The following NCOR1 variants were observed in gnomAD, a reference collection of about 807,000 sequenced individuals.
NCOR1 encodes the protein protein phosphatase 1, regulatory subunit 109.
In NCOR1, 63 loss-of-function variants were observed where a neutral mutation model predicts 288.1. The observed-to-expected ratio is 0.22, with a 90% CI of 0.18 to 0.27. NCOR1 has a LOEUF of 0.27. Among genes scored for constraint, NCOR1 ranks in the 10% least tolerant of loss-of-function variants. The pLI, the probability that NCOR1 is intolerant of heterozygous loss-of-function variation, is 1.00. For synonymous variants in NCOR1, 1,007 were observed against 1,065.9 expected (o/e 0.94, Z 1.08); for missense variants, 2,397 against 3,019.2 (o/e 0.79, Z 4.83).
intron 16 of NCOR1, among the ~76,000 whole-genome samples, chr17:16,119,958 T>G (rs2072638306): frequency 6.6e-6 from 1 of 152,158 alleles, no homozygotes; most frequent in Non-Finnish European, 1.5e-5. Context: ...GATCATGAAC[T>G]GAATATGTTC....
At chr17:16,110,401 TA>T (rs923255765) in intron 18 of NCOR1, among the ~76,000 whole-genome samples, 2 of 152,028 alleles carry the variant, frequency 1.3e-5, no homozygotes, top group African/African-American at 2.4e-5. Context: ...AATTCCTTTT[TA>T]AAAAAAATTG....
intron 45 of NCOR1, among the ~76,000 whole-genome samples, chr17:16,032,842 T>C (rs976888280): frequency 6.6e-6 from 1 of 152,114 alleles, no homozygotes; most frequent in Non-Finnish European, 1.5e-5. Context: ...TCAAGAGAAA[T>C]GCAAGAGTAT....
chr17:16,067,866 A>G, intron 32 of NCOR1, 28 bp downstream of exon 32: 1 of 1,584,216 alleles, frequency 6.3e-7, no homozygotes, highest in East Asian at 2.2e-5. Flanking sequence ...TTTATTTGCC[A>G]TAAATTATCA....
intron 20 of NCOR1, among the ~76,000 whole-genome samples, chr17:16,100,986 T>C (rs904226228): frequency 4.6e-5 from 7 of 152,214 alleles, no homozygotes; most frequent in African/African-American, 1.7e-4. Context: ...ACTTTATTAG[T>C]TGAAATTCCC....
Position 16,101,262 on chromosome 17 carries a change from G to A in NCOR1, c.2678C>T (p.Pro893Leu). The A allele has an allele frequency of 1.3e-6, 2 of 1,594,278 alleles. No individual in the cohort carries two copies. Among genetic ancestry groups the A allele is most frequent in the Non-Finnish European group, 1.7e-6 (2 of 1,170,428 alleles). The part of the protein sequence containing the change: ...CSADEDVDGE[P>L]ERQRMFPMDS... ...GAACGAGCCTCACCTCTGCCTCTCTGGCTCTCCATCCACATCCTCATCAGC... is the reference window on the plus strand; with the variant it reads ...GAACGAGCCTCACCTCTGCCTCTCTAGCTCTCCATCCACATCCTCATCAGC... The change falls in exon 20 of 46, where the codon CCA (proline) becomes CTA (leucine). Residue 893 changes from proline (P) to leucine (L), a missense_variant. Pro to Leu is a moderately conservative substitution (Grantham distance 98). Coordinates refer to ENST00000268712, the MANE Select transcript of NCOR1 (RefSeq NM_006311.4).
chr17:16,214,795 CA>C (rs2092411948), intron 1 of NCOR1, among the ~76,000 whole-genome samples: 1 of 152,206 alleles, frequency 6.6e-6, no homozygotes, highest in African/African-American at 2.4e-5. Context: ...AAGAAAACAC[CA>C]ACAATAAACG....
chr17:16,032,230 C>CTAAA lies in NCOR1; in HGVS notation c.*62_*65dup. The CTAAA allele has an allele frequency of 6.8e-7, 1 of 1,460,444 alleles. No individual in the cohort carries two copies. The highest frequency in any genetic ancestry group is 9.0e-7 in the Non-Finnish European group (1 of 1,106,802). 90.5% of individuals were successfully genotyped at this position (1,460,444 alleles called of 1,614,324 possible). On this transcript the variant is annotated 3_prime_UTR_variant, in exon 46 of 46. Transcript: ENST00000268712. ...AGGAGGGCAGGTTTTTGACCTGCTA[C>CTAAA]TAAAAATTAAACCACAAAAACTAGA... is the stretch of plus-strand genomic sequence containing the variant.
At chr17:16,186,417 C>G in intron 3 of NCOR1, 137 bp downstream of exon 3, 1 of 907,034 alleles carries the variant, frequency 1.1e-6, no homozygotes, top group Non-Finnish European at 1.6e-6. Context: ...AACCAACCAA[C>G]AAAAAAGAAC....
chr17:16,083,611 C>T (rs534256166), intron 23 of NCOR1, among the ~76,000 whole-genome samples: 18 of 150,084 alleles, frequency 1.2e-4, no homozygotes, highest in South Asian at 2.1e-4. Flanking sequence ...TCTTTTAAAC[C>T]TTAAACTATA....
chr17:16,119,555 T>C (rs2072540990), intron 16 of NCOR1, 70 bp from the exon 17 acceptor site: 6 of 1,015,180 alleles, frequency 5.9e-6, no homozygotes, highest in Non-Finnish European at 8.8e-6. Context: ...ACCAATCATA[T>C]AATTATATCT....
intron 40 of NCOR1, among the ~76,000 whole-genome samples, chr17:16,051,987 A>G (rs1028777496): frequency 2.6e-5 from 4 of 152,178 alleles, no homozygotes; most frequent in South Asian, 2.1e-4. Context: ...AAAACACTCA[A>G]AAGATCAACA....
intron 42 of NCOR1, among the ~76,000 whole-genome samples, chr17:16,044,132 G>GCA (rs1017198890): frequency 7.5e-6 from 1 of 134,034 alleles, no homozygotes; most frequent in Non-Finnish European, 1.5e-5. Context: ...TCGTGCCACT[G>GCA]CACTCCAGCC....
At chr17:16,200,428 CGGAGGTTGTAGTGA>C (rs1348280056) in intron 1 of NCOR1, among the ~76,000 whole-genome samples, 4 of 126,278 alleles carry the variant, frequency 3.2e-5, no homozygotes, top group African/African-American at 6.0e-5. Context: ...ATCTGGGAAG[CGGAGGTTGTAGTGA>C]GCTGGCATCG....
intron 18 of NCOR1, among the ~76,000 whole-genome samples, chr17:16,111,632 A>T (rs1303803337): frequency 6.9e-6 from 1 of 145,448 alleles, no homozygotes; most frequent in Non-Finnish European, 1.5e-5. Context: ...AATTAAAATT[A>T]AAAAAAAAAA....
chr17:16,188,032 G>A (rs1328915947), intron 2 of NCOR1, among the ~76,000 whole-genome samples: 1 of 152,146 alleles, frequency 6.6e-6, no homozygotes, highest in Admixed American at 6.6e-5. Flanking sequence ...TTTCGTTGCA[G>A]GTGATGGAGA....
chr17:16,050,100 A>T (rs78233018), intron 40 of NCOR1, among the ~76,000 whole-genome samples: 1 of 151,630 alleles, frequency 6.6e-6, no homozygotes, highest in South Asian at 2.1e-4. Flanking sequence ...GCCCATTTTT[A>T]ATTTTTTGTA....
intron 40 of NCOR1, among the ~76,000 whole-genome samples, chr17:16,051,432 G>GT (rs2059296452): frequency 6.6e-6 from 1 of 152,134 alleles, no homozygotes; most frequent in Non-Finnish European, 1.5e-5. Context: ...CAGAAAGCAA[G>GT]TTTTTTTAAA....
rs749611654 is a variant in NCOR1, at chr17:16,126,065, CTAAT to C, written c.1634+13_1634+16del. On this transcript the variant is annotated intron_variant, in intron 15 of 45. Transcript: ENST00000268712. Reference sequence around the variant, plus strand: ...AATAAACATTTAACTTATTATATAACTAATTATTTAACTCACTTGGAGTCTTCTT... The same window carrying C: ...AATAAACATTTAACTTATTATATAACTATTTAACTCACTTGGAGTCTTCTT... 38 of 1,089,294 alleles carry C rather than the reference CTAAT, an allele frequency of 3.5e-5. No homozygotes were observed. The highest frequency in any genetic ancestry group is 3.1e-4 in the African/African-American group (19 of 61,598). The allele number at this position is 1,089,294 out of a possible 1,614,324, so 67.5% of individuals were successfully genotyped here. A position where few individuals can be genotyped will look rare whatever the true frequency, so the allele number is the denominator to read the frequency against.
chr17:16,177,713 G>T (rs944909270), intron 3 of NCOR1, among the ~76,000 whole-genome samples: 10 of 152,136 alleles, frequency 6.6e-5, no homozygotes, highest in African/African-American at 2.4e-4. Flanking sequence ...GAGGGTTCTG[G>T]CTCATCACTT....
Sources: gnomAD v4.1 joint callset for allele counts (sites outside exome capture counted in the v4.1 genomes callset) on GRCh38, gnomAD v4.1.1 for gene constraint, MANE v1.5 for transcripts, NCBI Gene and HGNC (gene_info 2026-07-23, HGNC 2026-07-21) for gene names.